Variants in LIMCH1 observed in about 807,000 individuals in gnomAD.
LIMCH1 encodes the protein LIM and calponin homology domains 1.
A neutral mutation model predicts 176.5 loss-of-function variants in LIMCH1; 113 were observed. The ratio of observed to expected loss-of-function variants is 0.64; its 90% CI spans 0.55 to 0.75. The LOEUF is 0.75. Ranked by LOEUF, LIMCH1 falls within the 30% of genes least tolerant of loss-of-function variation. The pLI, the probability that LIMCH1 is intolerant of heterozygous loss-of-function variation, is 0.00. For synonymous variants in LIMCH1, 619 were observed against 645.9 expected, an observed-to-expected ratio of 0.96 and a Z score of 0.63; for missense variants, 1,674 against 1,814.9, an observed-to-expected ratio of 0.92 and a Z score of 1.41.
intron 9 of LIMCH1, among the ~76,000 whole-genome samples, chr4:41,630,273 C>T (rs1235660877): frequency 6.6e-6 from 1 of 152,112 alleles, no homozygotes; most frequent in Non-Finnish European, 1.5e-5. Flanking sequence ...CCCCTTGTAT[C>T]ATTTTTTATT....
At chr4:41,479,309 G>C (rs1020665982) in intron 1 of LIMCH1, among the ~76,000 whole-genome samples, 2 of 152,136 alleles carry the variant, frequency 1.3e-5, no homozygotes, top group Non-Finnish European at 2.9e-5. Context: ...CTAGAGCACA[G>C]TGCTGTGATC....
intron 1 of LIMCH1, among the ~76,000 whole-genome samples, chr4:41,468,511 A>G (rs1465800076): frequency 6.7e-6 from 1 of 150,300 alleles, no homozygotes; most frequent in Non-Finnish European, 1.5e-5. Context: ...TCTTTATCTT[A>G]ATGTATTAAA....
At chr4:41,478,804 T>C (rs571288191) in intron 1 of LIMCH1, among the ~76,000 whole-genome samples, 2 of 152,282 alleles carry the variant, frequency 1.3e-5, no homozygotes, top group South Asian at 4.1e-4. Context: ...AGTAAGCAGA[T>C]GAAGAGTGAG....
At chr4:41,489,008 G>T (rs898084079) in intron 1 of LIMCH1, among the ~76,000 whole-genome samples, 6 of 152,056 alleles carry the variant, frequency 3.9e-5, no homozygotes, top group Admixed American at 2.0e-4. Flanking sequence ...GTGAACTATG[G>T]CTGTTCGTGT....
At chr4:41,514,269 T>C (rs1184479149) in intron 2 of LIMCH1, among the ~76,000 whole-genome samples, 2 of 152,024 alleles carry the variant, frequency 1.3e-5, no homozygotes, top group Non-Finnish European at 2.9e-5. Context: ...AGCCAGATAG[T>C]TTCTGTGATG....
At chr4:41,653,249 C>T (rs7695473) in intron 18 of LIMCH1, among the ~76,000 whole-genome samples, 73,137 of 151,508 alleles carry the variant, frequency 0.48, 18,764 homozygotes, top group African/African-American at 0.6. Flanking sequence ...AATCACTTCT[C>T]CAGTAAACCT....
At chr4:41,677,615 G>A (rs1369509055) in intron 23 of LIMCH1, among the ~76,000 whole-genome samples, 1 of 152,168 alleles carries the variant, frequency 6.6e-6, no homozygotes, top group Non-Finnish European at 1.5e-5. Flanking sequence ...CAGGAACTGA[G>A]GTTAGTGCTT....
intron 1 of LIMCH1, among the ~76,000 whole-genome samples, chr4:41,574,288 C>T (rs1189908113): frequency 1.7e-5 from 1 of 60,026 alleles, no homozygotes; most frequent in Non-Finnish European, 3.3e-5. Flanking sequence ...CCCTCCCCTC[C>T]CCTCCCCTCC....
intron 1 of LIMCH1, among the ~76,000 whole-genome samples, chr4:41,545,695 G>A (rs2079280316): frequency 6.6e-6 from 1 of 152,212 alleles, no homozygotes. Context: ...ATCAATAAAT[G>A]AGTGAGTGAT....
intron 26 of LIMCH1, among the ~76,000 whole-genome samples, chr4:41,683,214 A>C (rs529217989): frequency 1.1e-4 from 17 of 152,224 alleles, no homozygotes; most frequent in Middle Eastern, 6.8e-3. Context: ...TGCTCTGGTG[A>C]TAATATAAAG....
chr4:41,687,836 A>G lies in LIMCH1; in HGVS notation c.4089-4A>G. On this transcript the variant is annotated splice_polypyrimidine_tract_variant and splice_region_variant and intron_variant, in intron 28 of 31. Transcript: ENST00000503057. ...TAATTTTTGACTCCTTTACCACATT[A>G]CAGGAAAAGTCCCCGAGAGCACTTC... 6.2e-7 allele frequency: 1 copy of G among 1,609,436 alleles called. No individual in the cohort carries two copies. Among genetic ancestry groups the G allele is most frequent in the Non-Finnish European group, 8.5e-7 (1 of 1,176,190 alleles).
At chr4:41,673,266 G>A (rs1291227397) in intron 22 of LIMCH1, among the ~76,000 whole-genome samples, 1 of 152,122 alleles carries the variant, frequency 6.6e-6, no homozygotes, top group African/African-American at 2.4e-5. Context: ...ACCCCAGAAC[G>A]ATCCCAAAGC....
intron 1 of LIMCH1, among the ~76,000 whole-genome samples, chr4:41,456,103 C>G (rs1447113961): frequency 6.6e-6 from 1 of 152,062 alleles, no homozygotes; most frequent in Non-Finnish European, 1.5e-5. Context: ...GGATCAGTAT[C>G]TTTGATGGCA....
At chr4:41,360,619 C>A (rs1409065294), upstream of LIMCH1, 3 of 277,914 alleles carry the variant, frequency 1.1e-5, no homozygotes, top group African/African-American at 6.7e-5. This position sits in a 1 kb window ranked among gnomAD's most constrained non-coding sequence, Gnocchi z 4.5. Context: ...CGCTCGCTCC[C>A]GCGGGTCACT....
In LIMCH1 at chr4:41,528,446, G is replaced by T. The variant is rs544385952; in HGVS notation, c.237+3968G>T. ...AATTAATGGGTTTGAAGATGGCAGAGATCATCTTGTTAGTAGAGATGCAGC... is the reference window on the plus strand; with the variant it reads ...AATTAATGGGTTTGAAGATGGCAGATATCATCTTGTTAGTAGAGATGCAGC... On this transcript the variant is annotated intron_variant, in intron 3 of 26. Coordinates refer to the LIMCH1 transcript ENST00000313860. 3.3e-5 allele frequency among the ~76,000 whole-genome samples: 5 copies of T among 152,342 alleles called. No homozygotes were observed. The South Asian group carries it at 1.0e-3, about 32-fold the overall frequency.
chr4:41,667,781 G>T (rs2094879428), intron 21 of LIMCH1, among the ~76,000 whole-genome samples: 1 of 152,082 alleles, frequency 6.6e-6, no homozygotes, highest in Non-Finnish European at 1.5e-5. Context: ...AACCCAGAGG[G>T]ACTATGCTTC....
At chr4:41,497,066 A>G (rs1457804258) in intron 2 of LIMCH1, among the ~76,000 whole-genome samples, 4 of 152,340 alleles carry the variant, frequency 2.6e-5, no homozygotes, top group East Asian at 3.9e-4. Context: ...TTTTTATAGT[A>G]TATAGGCTTT....
chr4:41,402,776 T>C (rs2058584852), intron 1 of LIMCH1, among the ~76,000 whole-genome samples: 1 of 130,778 alleles, frequency 7.6e-6, no homozygotes, highest in African/African-American at 2.9e-5. Context: ...AATTGAACAA[T>C]GAGAACACAT....
At chr4:41,642,432 T>C (rs2093862604) in intron 14 of LIMCH1, among the ~76,000 whole-genome samples, 1 of 152,234 alleles carries the variant, frequency 6.6e-6, no homozygotes, top group Admixed American at 6.5e-5. Context: ...CTTTTCTACC[T>C]AATCCTGCAA....
Sources: allele counts gnomAD v4.1 joint callset (sites outside exome capture counted in the v4.1 genomes callset), GRCh38; gene constraint gnomAD v4.1.1; non-coding constraint Gnocchi (gnomAD v3.1); transcripts MANE v1.5; gene names NCBI Gene and HGNC (gene_info 2026-07-23, HGNC 2026-07-21).